The following FGGY variants were observed in gnomAD, a reference collection of about 807,000 sequenced individuals.
The protein encoded by FGGY is FGGY carbohydrate kinase domain-containing protein.
Under a neutral mutation model 71.3 loss-of-function variants are expected in FGGY, and 72 were observed. The observed-to-expected ratio is 1.01, with a 90% CI of 0.84 to 1.23. The LOEUF (loss-of-function observed/expected upper bound fraction) is 1.23. Among genes scored for constraint, FGGY ranks in the 50% most tolerant of loss-of-function variants. The pLI is 0.00. For synonymous variants in FGGY, 251 were observed against 250.3 expected, an observed-to-expected ratio of 1.00 and a Z score of -0.02; for missense variants, 668 against 682.3, an observed-to-expected ratio of 0.98 and a Z score of 0.23.
chr1:59,337,048 C>CATATATATATATATAT (rs35698016), intron 2 of FGGY, among the ~76,000 whole-genome samples: 15 of 142,048 alleles, frequency 1.1e-4, no homozygotes, highest in African/African-American at 3.7e-4. Context: ...TGTATATAGT[C>CATATATATATATATAT]ATATATATAT....
chr1:59,475,182 T>TGA (rs2093200463), intron 6 of FGGY, among the ~76,000 whole-genome samples: 2 of 152,196 alleles, frequency 1.3e-5, no homozygotes, highest in African/African-American at 4.8e-5. Flanking sequence ...CACAACCTTT[T>TGA]TCCAACCAAG....
chr1:59,607,852 C>G lies in FGGY; in HGVS notation c.953C>G (p.Ser318Ter). Residue 318 changes from serine (S) to a stop codon, truncating the protein, a stop_gained, in exon 9 of 16, where the codon TCA becomes TGA. Transcript: ENST00000303721. LOFTEE classifies it high-confidence loss of function. ...CCAGGCGTCTGGGGGCCTTATTTCTCAGCCATGGTACCTGGGTTCTGGCTG... is the reference window on the plus strand; with the variant it reads ...CCAGGCGTCTGGGGGCCTTATTTCTGAGCCATGGTACCTGGGTTCTGGCTG... ...FVPGVWGPYFSAMVPGFWLNE... is the reference protein window; with the variant it reads ...FVPGVWGPYF 6.2e-7 allele frequency: 1 copy of G among 1,614,098 alleles called. No individual in the cohort carries two copies. The highest frequency in any genetic ancestry group is 2.2e-5 in the East Asian group (1 of 44,886).
intron 4 of FGGY, among the ~76,000 whole-genome samples, chr1:59,361,401 G>A (rs1320660691): frequency 1.3e-5 from 2 of 152,096 alleles, no homozygotes; most frequent in Non-Finnish European, 2.9e-5. Flanking sequence ...CGAGGGGCTC[G>A]GGGAGGTAAT....
At chr1:59,325,888 TA>T (rs2047344719) in intron 2 of FGGY, among the ~76,000 whole-genome samples, 1 of 152,234 alleles carries the variant, frequency 6.6e-6, no homozygotes, top group Non-Finnish European at 1.5e-5. Flanking sequence ...TCTTCCTCCC[TA>T]CATTCCCTAA....
intron 8 of FGGY, among the ~76,000 whole-genome samples, chr1:59,586,558 A>T (rs1571680631): frequency 1.3e-5 from 2 of 152,158 alleles, no homozygotes; most frequent in African/African-American, 2.4e-5. Flanking sequence ...CCTAATGTTA[A>T]ATGACGAGTT....
intron 8 of FGGY, among the ~76,000 whole-genome samples, chr1:59,592,634 G>A (rs146822832): frequency 0.015 from 2,341 of 152,100 alleles, 62 homozygotes; most frequent in African/African-American, 0.054. Flanking sequence ...TGTCCTTTGT[G>A]GGGACATGGA....
At chr1:59,407,568 T>A (rs2062953322) in intron 5 of FGGY, among the ~76,000 whole-genome samples, 1 of 151,934 alleles carries the variant, frequency 6.6e-6, no homozygotes, top group South Asian at 2.1e-4. Flanking sequence ...GAAAAAAAAA[T>A]ATTCTGATAG....
chr1:59,378,425 T>C (rs2058940358), intron 4 of FGGY, among the ~76,000 whole-genome samples: 1 of 152,134 alleles, frequency 6.6e-6, no homozygotes, highest in Non-Finnish European at 1.5e-5. Flanking sequence ...CCATTAAACC[T>C]ATTTTTCTTT....
At chr1:59,552,007 G>GGA (rs143951609) in intron 7 of FGGY, among the ~76,000 whole-genome samples, 192 of 152,302 alleles carry the variant, frequency 1.3e-3, no homozygotes, top group African/African-American at 4.4e-3. Flanking sequence ...TGATGATGGA[G>GGA]GAGCTGAGAA....
chr1:59,493,507 T>C (rs1044213843), intron 6 of FGGY, among the ~76,000 whole-genome samples: 4 of 152,296 alleles, frequency 2.6e-5, no homozygotes, highest in Non-Finnish European at 5.9e-5. Flanking sequence ...ATCTTGAAGA[T>C]ACTATGTTAA....
At chr1:59,296,441 G>C (rs1303687576), upstream of FGGY, among the ~76,000 whole-genome samples, 1 of 152,226 alleles carries the variant, frequency 6.6e-6, no homozygotes, top group Non-Finnish European at 1.5e-5. Context: ...CGGAGAGTCC[G>C]CCTGGGTAAG....
intron 5 of FGGY, among the ~76,000 whole-genome samples, chr1:59,426,107 G>A (rs1032077048): frequency 1.3e-5 from 2 of 152,156 alleles, no homozygotes; most frequent in Non-Finnish European, 2.9e-5. Flanking sequence ...GCATGGAGGA[G>A]GGTGGAGGGC....
At chr1:59,481,650 G>A (rs1053376931) in intron 6 of FGGY, among the ~76,000 whole-genome samples, 2 of 152,264 alleles carry the variant, frequency 1.3e-5, no homozygotes, top group Non-Finnish European at 1.5e-5. Flanking sequence ...TCTAGGTACC[G>A]ATTCCTGCAG....
intron 13 of FGGY, chr1:59,673,779 C>T: frequency 2.7e-6 from 1 of 369,996 alleles, no homozygotes; most frequent in Non-Finnish European, 5.1e-6. Context: ...CCTGAAAAAC[C>T]TGGGCACTGA....
At chr1:59,330,561 T>C (rs1380782424) in intron 2 of FGGY, among the ~76,000 whole-genome samples, 2 of 134,752 alleles carry the variant, frequency 1.5e-5, no homozygotes, top group African/African-American at 5.4e-5. Flanking sequence ...AAAGCAAGAC[T>C]CCATCTCAAA....
At chr1:59,758,034 G>T (rs373238960) in intron 15 of FGGY, 42 bp downstream of exon 15, 1 of 1,343,156 alleles carries the variant, frequency 7.4e-7, no homozygotes, top group Non-Finnish European at 1.1e-6. Context: ...AAGGAAGTGA[G>T]CACATACACA....
intron 6 of FGGY, among the ~76,000 whole-genome samples, chr1:59,465,061 A>C (rs186951644): frequency 1.6e-4 from 24 of 152,360 alleles, no homozygotes; most frequent in African/African-American, 5.8e-4. Context: ...GCACAACAAA[A>C]AAGAGAATTT....
At chr1:59,407,607 C>G (rs2062961151) in intron 5 of FGGY, among the ~76,000 whole-genome samples, 2 of 152,130 alleles carry the variant, frequency 1.3e-5, no homozygotes, top group African/African-American at 4.8e-5. Context: ...AACAGGGCCT[C>G]CTTCCCTAGG....
chr1:59,445,870 T>C (rs1348221723), intron 5 of FGGY, among the ~76,000 whole-genome samples: 1 of 152,206 alleles, frequency 6.6e-6, no homozygotes, highest in African/African-American at 2.4e-5. Flanking sequence ...TGAATAAGCA[T>C]GTAGTTAACA....
Sources: allele counts gnomAD v4.1 joint callset (sites outside exome capture counted in the v4.1 genomes callset), GRCh38; gene constraint gnomAD v4.1.1; transcripts MANE v1.5; gene names NCBI Gene and HGNC (gene_info 2026-07-23, HGNC 2026-07-21).